PTPRG: variants seen among roughly 807,000 people sequenced by gnomAD.
PTPRG encodes protein tyrosine phosphatase receptor type G.
A neutral mutation model predicts 165.3 loss-of-function variants in PTPRG; 102 were observed. The observed-to-expected ratio is 0.62, with a 90% CI of 0.53 to 0.73. PTPRG has a LOEUF of 0.73. Ranked by LOEUF, PTPRG falls within the 30% of genes least tolerant of loss-of-function variation. The probability of loss-of-function intolerance (pLI) is 0.00; values close to 1 mark genes in which losing one functional copy is unlikely to be tolerated. For synonymous variants in PTPRG, 675 were observed against 669.5 expected, an observed-to-expected ratio of 1.01 and a Z score of -0.13; for missense variants, 1,866 against 1,861.4, an observed-to-expected ratio of 1.00 and a Z score of -0.05.
chr3:62,203,074 G>T lies in PTPRG; in HGVS notation c.1378-99G>T. On this transcript the variant is annotated intron_variant, in intron 11 of 29. Transcript: ENST00000474889. This position sits in a 1 kb window ranked among gnomAD's most constrained non-coding sequence, Gnocchi z 6.4. ...GCATAGATGAGTAAAATCCTCAGAG[G>T]GTGACAACCAGGGCCTCATTCCCAA... 6.7e-7 allele frequency: 1 copy of T among 1,503,298 alleles called. No individual in the cohort carries two copies. Among genetic ancestry groups the T allele is most frequent in the Non-Finnish European group, 8.9e-7 (1 of 1,126,532 alleles). The allele number at this position is 1,503,298 out of a possible 1,614,324, so 93.1% of individuals were successfully genotyped here. A position where few individuals can be genotyped will look rare whatever the true frequency, so the allele number is the denominator to read the frequency against.
Position 62,244,785 on chromosome 3 carries a change from A to G in PTPRG, c.2467+887A>G, listed in dbSNP as rs188414998. ...GAGAGCTTTATAAGGGCAAGTGGCTATATCCTCAGTGCTAAAATAATTCTT... is the reference window on the plus strand; with the variant it reads ...GAGAGCTTTATAAGGGCAAGTGGCTGTATCCTCAGTGCTAAAATAATTCTT... On this transcript the variant is annotated intron_variant, in intron 15 of 29. Transcript: ENST00000474889. Among the ~76,000 whole-genome samples, 11 of 152,300 alleles carry G rather than the reference A, an allele frequency of 7.2e-5. No individual in the cohort carries two copies. The East Asian group carries it at 1.4e-3, about 19-fold the overall frequency.
chr3:61,943,107 T>C (rs1303736014), intron 2 of PTPRG, among the ~76,000 whole-genome samples: 2 of 152,194 alleles, frequency 1.3e-5, no homozygotes, highest in Non-Finnish European at 2.9e-5. Context: ...ATGACAACTT[T>C]TTTTTCCTGA....
chr3:62,093,988 C>G (rs539754759), intron 5 of PTPRG, among the ~76,000 whole-genome samples: 3 of 152,268 alleles, frequency 2.0e-5, no homozygotes, highest in African/African-American at 7.2e-5. Flanking sequence ...TCTCCTATTA[C>G]CAGTAATATT....
intron 5 of PTPRG, among the ~76,000 whole-genome samples, chr3:62,126,152 C>T (rs770466629): frequency 2.0e-5 from 3 of 152,196 alleles, no homozygotes; most frequent in Non-Finnish European, 4.4e-5. Context: ...ACCAGCCTTG[C>T]TGTCACCCTG....
intron 2 of PTPRG, among the ~76,000 whole-genome samples, chr3:61,909,018 T>A (rs2038730717): frequency 6.6e-6 from 1 of 152,214 alleles, no homozygotes; most frequent in African/African-American, 2.4e-5. Flanking sequence ...TTTTTGTGTT[T>A]GCAAAGAGTA....
chr3:61,871,609 AT>A, intron 2 of PTPRG, among the ~76,000 whole-genome samples: 1 of 152,306 alleles, frequency 6.6e-6, no homozygotes. Context: ...TTGATGTAGT[AT>A]GACAAAATCT....
At chr3:62,221,708 G>C (rs1290352568) in intron 13 of PTPRG, among the ~76,000 whole-genome samples, 1 of 152,190 alleles carries the variant, frequency 6.6e-6, no homozygotes. Context: ...TCAGGAGGCA[G>C]GCCTGGCACC....
chr3:61,866,619 G>T (rs1207068312), intron 2 of PTPRG, among the ~76,000 whole-genome samples: 81 of 17,028 alleles, frequency 4.8e-3, no homozygotes, highest in African/African-American at 9.5e-3. Flanking sequence ...TTTTTTTTTT[G>T]AGACGGAGTC....
Position 62,010,831 on chromosome 3 carries a change from G to A in PTPRG, c.519+7334G>A, listed in dbSNP as rs1333020758. 2.0e-5 allele frequency among the ~76,000 whole-genome samples: 3 copies of A among 152,012 alleles called. No homozygotes were observed. In the East Asian group the frequency reaches 5.8e-4, roughly 29 times the overall value. On this transcript the variant is annotated intron_variant, in intron 4 of 29. Coordinates refer to ENST00000474889, the MANE Select transcript of PTPRG (RefSeq NM_002841.4). ...TTTCCAGTATAACAGTTTTTCCCCCGTGTTGTGTACTTTATGTCAGTTCCT... is the reference window on the plus strand; with the variant it reads ...TTTCCAGTATAACAGTTTTTCCCCCATGTTGTGTACTTTATGTCAGTTCCT...
chr3:61,632,669 A>C (rs1701801232), intron 1 of PTPRG, among the ~76,000 whole-genome samples: 1 of 152,182 alleles, frequency 6.6e-6, no homozygotes, highest in East Asian at 1.9e-4. Flanking sequence ...TTAGATAATG[A>C]CCCAGAGAGG....
chr3:62,080,929 A>G (rs759560206), intron 5 of PTPRG, among the ~76,000 whole-genome samples: 1 of 152,194 alleles, frequency 6.6e-6, no homozygotes, highest in African/African-American at 2.4e-5. Context: ...TGCTATCCTA[A>G]AGACACAAAT....
chr3:61,644,633 T>G (rs1251513584), intron 1 of PTPRG, among the ~76,000 whole-genome samples: 3 of 152,232 alleles, frequency 2.0e-5, no homozygotes, highest in Admixed American at 6.5e-5. Flanking sequence ...AGGACTAGTT[T>G]GGCTTTTGTT....
At chr3:62,018,535 A>G (rs1371172068) in intron 4 of PTPRG, among the ~76,000 whole-genome samples, 1 of 152,228 alleles carries the variant, frequency 6.6e-6, no homozygotes, top group Admixed American at 6.5e-5. Flanking sequence ...CGAAGTCTCC[A>G]AGTTAGTCTC....
chr3:61,877,907 A>G (rs1211887789), intron 2 of PTPRG, among the ~76,000 whole-genome samples: 3 of 152,232 alleles, frequency 2.0e-5, no homozygotes, highest in Admixed American at 2.0e-4. Context: ...CTCAGAGTAC[A>G]GTAAATGTCC....
chr3:61,607,087 G>A (rs1047312743), intron 1 of PTPRG, among the ~76,000 whole-genome samples: 4 of 152,172 alleles, frequency 2.6e-5, no homozygotes, highest in African/African-American at 9.6e-5. Flanking sequence ...GTGAGAGAAG[G>A]AGCTTTGGGC....
At chr3:61,755,738 G>A (rs191979050) in intron 2 of PTPRG, among the ~76,000 whole-genome samples, 81 of 152,324 alleles carry the variant, frequency 5.3e-4, no homozygotes, top group Admixed American at 1.2e-3. Context: ...AAGCTCTAGA[G>A]CATGTGGTCG....
chr3:62,221,056 T>C (rs1190296667), intron 13 of PTPRG, among the ~76,000 whole-genome samples: 8 of 152,202 alleles, frequency 5.3e-5, no homozygotes, highest in Admixed American at 3.3e-4. Context: ...AGGTTTCTTA[T>C]AGGGAAGGGC....
chr3:61,900,224 G>A (rs1417285641), intron 2 of PTPRG, among the ~76,000 whole-genome samples: 7 of 152,028 alleles, frequency 4.6e-5, no homozygotes, highest in Admixed American at 6.6e-5. Context: ...CTGTATCATC[G>A]TTAAAAAATA....
intron 2 of PTPRG, among the ~76,000 whole-genome samples, chr3:61,924,771 A>G (rs984423857): frequency 1.3e-5 from 2 of 152,124 alleles, no homozygotes; most frequent in Non-Finnish European, 2.9e-5. Flanking sequence ...TGCTGCAACT[A>G]TTTGTCTTTG....
Sources: allele counts gnomAD v4.1 joint callset (sites outside exome capture counted in the v4.1 genomes callset), GRCh38; gene constraint gnomAD v4.1.1; non-coding constraint Gnocchi (gnomAD v3.1); transcripts MANE v1.5; gene names NCBI Gene and HGNC (gene_info 2026-07-23, HGNC 2026-07-21).